FLT1: variants seen among roughly 807,000 people sequenced by gnomAD.
FLT1 encodes fms related receptor tyrosine kinase 1.
In FLT1, 49 loss-of-function variants were observed where a neutral mutation model predicts 156.3. The observed-to-expected ratio is 0.31, with a 90% CI of 0.25 to 0.40. The LOEUF is 0.40. Ranked by LOEUF, FLT1 falls within the 10% of genes least tolerant of loss-of-function variation. The pLI is 1.00. For missense variants in FLT1, 1,322 were observed against 1,637.2 expected, an observed-to-expected ratio of 0.81 and a Z score of 3.32; for synonymous variants, 594 against 583.8, an observed-to-expected ratio of 1.02 and a Z score of -0.25.
chr13:28,310,065 T>C (rs552836557), intron 27 of FLT1, among the ~76,000 whole-genome samples: 1 of 152,008 alleles, frequency 6.6e-6, no homozygotes, highest in African/African-American at 2.4e-5. Flanking sequence ...AATTTTTGTA[T>C]TTTTAGTAGA....
intron 6 of FLT1, among the ~76,000 whole-genome samples, chr13:28,431,824 G>A (rs576867592): frequency 3.6e-4 from 55 of 152,268 alleles, no homozygotes; most frequent in South Asian, 2.9e-3. Context: ...AAATCACCAT[G>A]TGAGTTTCCT....
At position 28,389,923 on chromosome 13, in the gene FLT1, C is replaced by T. The variant is rs1565998821; in HGVS notation, c.1842G>A (p.Glu614=). 1 of 1,614,170 alleles carries T rather than the reference C, an allele frequency of 6.2e-7. No individual in the cohort carries two copies. The highest frequency in any genetic ancestry group is 8.5e-7 in the Non-Finnish European group (1 of 1,180,032). The change falls in exon 13 of 30, where the codon GAG becomes GAA. Residue 614 remains glutamate (E), a synonymous_variant. Coordinates refer to ENST00000282397, the MANE Select transcript of FLT1 (RefSeq NM_002019.4). Reference sequence around the variant, plus strand: ...TGGTAAGATTAAGAGTGATGGAGTGCTCCTTAGTGATGGCCATTTTTTGCT... The same window carrying T: ...TGGTAAGATTAAGAGTGATGGAGTGTTCCTTAGTGATGGCCATTTTTTGCT... The part of the protein sequence containing the change: ...ISKQKMAITK[E]HSITLNLTIM...
intron 4 of FLT1, 58 bp from the exon 5 acceptor site, chr13:28,434,278 T>C (rs1877896146): frequency 1.4e-6 from 2 of 1,473,500 alleles, no homozygotes; most frequent in Non-Finnish European, 1.9e-6. Flanking sequence ...GGCAATACTG[T>C]TTCACCAGCA....
chr13:28,324,033 G>A (rs989942665), intron 20 of FLT1, among the ~76,000 whole-genome samples: 8 of 152,134 alleles, frequency 5.3e-5, no homozygotes, highest in African/African-American at 1.7e-4. Context: ...ACTTTTCTGA[G>A]TTTAATTATC....
intron 3 of FLT1, among the ~76,000 whole-genome samples, chr13:28,442,435 T>C (rs1216435129): frequency 6.6e-6 from 1 of 152,136 alleles, no homozygotes; most frequent in African/African-American, 2.4e-5. Context: ...CAAATGAAAA[T>C]AGAAAAGGTT....
chr13:28,445,940 T>C (rs1232462000), intron 3 of FLT1, among the ~76,000 whole-genome samples: 1 of 151,708 alleles, frequency 6.6e-6, no homozygotes, highest in Admixed American at 6.6e-5. Context: ...CAGAAACATA[T>C]AAAAAGAATT....
Position 28,435,679 on chromosome 13 carries a change from T to A in FLT1, c.514-1459A>T, listed in dbSNP as rs145598650. Among the ~76,000 whole-genome samples the A allele has an allele frequency of 2.1e-3, 321 of 152,332 alleles. 3 individuals carry two copies. Among genetic ancestry groups the A allele is most frequent in the Non-Finnish European group, 6.2e-4 (42 of 68,018 alleles). ...GCGCTGATCTGGATTTGTGATCCTATGGCAGAGATTTCTAGTCCAGAAGCC... is the reference window on the plus strand; with the variant it reads ...GCGCTGATCTGGATTTGTGATCCTAAGGCAGAGATTTCTAGTCCAGAAGCC... On this transcript the variant is annotated intron_variant, in intron 4 of 29. Transcript: ENST00000282397.
intron 11 of FLT1, among the ~76,000 whole-genome samples, chr13:28,401,018 G>T (rs1875398124): frequency 6.6e-6 from 1 of 152,156 alleles, no homozygotes; most frequent in African/African-American, 2.4e-5. Flanking sequence ...CTGAGGTCAG[G>T]AGTTCAAGAT....
chr13:28,442,763 T>C (rs896690317), intron 3 of FLT1, among the ~76,000 whole-genome samples: 1 of 151,952 alleles, frequency 6.6e-6, no homozygotes, highest in Non-Finnish European at 1.5e-5. Context: ...TCTGGGCTTA[T>C]TAATAGTATA....
At chr13:28,332,874 C>T (rs560997695) in intron 18 of FLT1, among the ~76,000 whole-genome samples, 1 of 152,290 alleles carries the variant, frequency 6.6e-6, no homozygotes, top group South Asian at 2.1e-4. Flanking sequence ...TGCCTCTTCT[C>T]TTCAGAATCT....
At chr13:28,480,351 A>G (rs1041879898) in intron 1 of FLT1, among the ~76,000 whole-genome samples, 1 of 152,236 alleles carries the variant, frequency 6.6e-6, no homozygotes, top group African/African-American at 2.4e-5. Context: ...TACAGTGTTT[A>G]TAGCTTAGCA....
At chr13:28,395,526 A>C (rs964320483) in intron 12 of FLT1, among the ~76,000 whole-genome samples, 1 of 152,230 alleles carries the variant, frequency 6.6e-6, no homozygotes, top group Non-Finnish European at 1.5e-5. Context: ...TATTTTTAAA[A>C]AATACTGATT....
In FLT1 at chr13:28,302,118, G is replaced by A. The variant is rs1461956389; in HGVS notation, c.*1049C>T. The A allele has an allele frequency of 4.4e-6, 1 of 228,422 alleles. No individual in the cohort carries two copies. Among genetic ancestry groups the A allele is most frequent in the Non-Finnish European group, 8.5e-6 (1 of 117,732 alleles). The allele number at this position is 228,422 out of a possible 1,614,324, so 14.1% of individuals were successfully genotyped here. On this transcript the variant is annotated 3_prime_UTR_variant, in exon 30 of 30. Coordinates refer to ENST00000282397, the MANE Select transcript of FLT1 (RefSeq NM_002019.4). ...TGACCTTTTTCCTCCATCAGCCCTC[G>A]TTTTGATATGGAGAAAACTCCTCTC... is the stretch of plus-strand genomic sequence containing the variant.
chr13:28,384,295 A>G (rs1364985965), intron 14 of FLT1, among the ~76,000 whole-genome samples: 1 of 152,014 alleles, frequency 6.6e-6, no homozygotes, highest in Non-Finnish European at 1.5e-5. Context: ...TTAGCCTGGC[A>G]TGGTGACAGC....
chr13:28,481,060 C>T (rs977046764), intron 1 of FLT1, among the ~76,000 whole-genome samples: 1 of 152,194 alleles, frequency 6.6e-6, no homozygotes, highest in Non-Finnish European at 1.5e-5. Context: ...TGTTCTCATT[C>T]CAGGTGACAA....
chr13:28,384,482 C>T (rs547207884), intron 14 of FLT1, among the ~76,000 whole-genome samples: 25 of 149,346 alleles, frequency 1.7e-4, no homozygotes, highest in Non-Finnish European at 2.8e-4. Context: ...AGAAAGAAAA[C>T]GAGATTATAA....
intron 3 of FLT1, among the ~76,000 whole-genome samples, 169 bp from the exon 4 acceptor site, chr13:28,438,514 A>G (rs1346147499): frequency 6.6e-6 from 1 of 152,202 alleles, no homozygotes; most frequent in Non-Finnish European, 1.5e-5. Context: ...CTGTGTTTCT[A>G]CCCAGAAAAA....
chr13:28,337,385 C>T (rs1174883391), intron 17 of FLT1, among the ~76,000 whole-genome samples: 1 of 152,204 alleles, frequency 6.6e-6, no homozygotes, highest in Admixed American at 6.5e-5. Flanking sequence ...AGCCTTTTCT[C>T]TCTATCTGGA....
rs1437659960 is a variant in FLT1, at chr13:28,427,865, T to C, written c.1163A>G (p.Tyr388Cys). Residue 388 changes from tyrosine to cysteine, a missense_variant, in exon 9 of 30, where the codon TAC becomes TGC. Tyr to Cys is a radical substitution (Grantham distance 194). Transcript: ENST00000282397. ...AGTTACGTCCTTGATAATTAACGAGTAGCCACGAGTCAAATAGCGAGCAGA... is the reference window on the plus strand; with the variant it reads ...AGTTACGTCCTTGATAATTAACGAGCAGCCACGAGTCAAATAGCGAGCAGA... ...EKSARYLTRGYSLIIKDVTEE... is the reference protein window; with the variant it reads ...EKSARYLTRGCSLIIKDVTEE... 1.2e-6 allele frequency: 2 copies of C among 1,613,790 alleles called. No individual in the cohort carries two copies.
Sources: allele counts gnomAD v4.1 joint callset (sites outside exome capture counted in the v4.1 genomes callset), GRCh38; gene constraint gnomAD v4.1.1; transcripts MANE v1.5; gene names NCBI Gene and HGNC (gene_info 2026-07-23, HGNC 2026-07-21).